Variants in ZNF207 observed in about 807,000 individuals in gnomAD.
The protein encoded by ZNF207 is BUB3-interacting and GLEBS motif-containing protein ZNF207.
In ZNF207, 24 loss-of-function variants were observed where a neutral mutation model predicts 60.2. The ratio of observed to expected loss-of-function variants is 0.40; its 90% CI spans 0.29 to 0.56. The LOEUF is 0.56. Ranked by LOEUF, ZNF207 falls within the 20% of genes least tolerant of loss-of-function variation. ZNF207 has a pLI of 0.49. For synonymous variants in ZNF207, 236 were observed against 194.7 expected, an observed-to-expected ratio of 1.21 and a Z score of -1.77; for missense variants, 452 against 636.6, an observed-to-expected ratio of 0.71 and a Z score of 3.12.
intron 2 of ZNF207, among the ~76,000 whole-genome samples, chr17:32,354,780 A>T (rs973712899): frequency 6.6e-6 from 1 of 150,922 alleles, no homozygotes; most frequent in Non-Finnish European, 1.5e-5. Context: ...TGCCTAGCTA[A>T]TTGTTTTGTA....
chr17:32,373,655 T>C lies in ZNF207; in HGVS notation c.*3896T>C, dbSNP rs144495586. 0.018 allele frequency: 6,688 copies of C among 376,384 alleles called. 67 individuals carry two copies. Among genetic ancestry groups the C allele is most frequent in the Middle Eastern group, 0.026 (38 of 1,450 alleles). The allele number at this position is 376,384 out of a possible 1,614,324, so 23.3% of individuals were successfully genotyped here. A position where few individuals can be genotyped will look rare whatever the true frequency, so the allele number is the denominator to read the frequency against. ...TGTTAATAAACATAAGTATTTCATA[T>C]GCAATTTTATGTAATTTGCTGTGTG... On this transcript the variant is annotated 3_prime_UTR_variant, in exon 12 of 12. Transcript: ENST00000394670.
intron 2 of ZNF207, among the ~76,000 whole-genome samples, chr17:32,356,087 C>CT (rs2150789679): frequency 6.6e-6 from 1 of 152,272 alleles, no homozygotes; most frequent in South Asian, 2.1e-4. Flanking sequence ...TGAGATAGAC[C>CT]TGGCAGTTAA....
At chr17:32,356,950 G>A (rs578071681) in intron 2 of ZNF207, among the ~76,000 whole-genome samples, 1 of 152,320 alleles carries the variant, frequency 6.6e-6, no homozygotes, top group South Asian at 2.1e-4. Flanking sequence ...AGGACACTGA[G>A]GTGGGTGGAT....
chr17:32,369,872 T>A lies in ZNF207; in HGVS notation c.*113T>A. On this transcript the variant is annotated 3_prime_UTR_variant, in exon 12 of 12. Transcript: ENST00000394670. ...TTCATTGTGACTTTAACAAACATTATCTTCCCACATACCAGGAACTATTGG... is the reference window on the plus strand; with the variant it reads ...TTCATTGTGACTTTAACAAACATTAACTTCCCACATACCAGGAACTATTGG... The A allele has an allele frequency of 8.9e-7, 1 of 1,126,554 alleles. No homozygotes were observed. Among genetic ancestry groups the A allele is most frequent in the Non-Finnish European group, 1.2e-6 (1 of 860,672 alleles). 69.8% of individuals were successfully genotyped at this position (1,126,554 alleles called of 1,614,324 possible). A position where few individuals can be genotyped will look rare whatever the true frequency, so the allele number is the denominator to read the frequency against.
At chr17:32,358,750 C>A in intron 3 of ZNF207, 109 bp downstream of exon 3, 1 of 823,590 alleles carries the variant, frequency 1.2e-6, no homozygotes, top group Non-Finnish European at 1.7e-6. Context: ...GTGGTGTGAT[C>A]TGGGCTCTCT....
intron 7 of ZNF207, 53 bp from the exon 8 acceptor site, chr17:32,365,277 T>TC (rs1905107516): frequency 6.3e-7 from 1 of 1,575,652 alleles, no homozygotes; most frequent in Non-Finnish European, 8.6e-7. Flanking sequence ...AGCGTTTTTT[T>TC]CCACACTAAA....
At chr17:32,352,363 A>T (rs1248858686) in intron 2 of ZNF207, among the ~76,000 whole-genome samples, 4 of 151,072 alleles carry the variant, frequency 2.6e-5, no homozygotes, top group Non-Finnish European at 4.4e-5. Context: ...AATCAGCATT[A>T]AAAAAAACAA....
intron 2 of ZNF207, among the ~76,000 whole-genome samples, chr17:32,357,052 C>T (rs1226913720): frequency 2.0e-5 from 3 of 151,822 alleles, no homozygotes; most frequent in African/African-American, 7.3e-5. Flanking sequence ...CATGGCGGCA[C>T]GCACCTGTAG....
At chr17:32,352,599 TCA>T (rs2041528059) in intron 2 of ZNF207, among the ~76,000 whole-genome samples, 1 of 152,242 alleles carries the variant, frequency 6.6e-6, no homozygotes, top group Non-Finnish European at 1.5e-5. Flanking sequence ...CAGTCATTAC[TCA>T]CTGCCATTGA....
Position 32,371,138 on chromosome 17 carries a change from CT to C in ZNF207, c.*1383del, listed in dbSNP as rs1228232042. 1 of 152,118 alleles carries C rather than the reference CT, an allele frequency of 6.6e-6. No individual in the cohort carries two copies. The highest frequency in any genetic ancestry group is 1.5e-5 in the Non-Finnish European group (1 of 68,002). 9.4% of individuals were successfully genotyped at this position (152,118 alleles called of 1,614,324 possible). A position where few individuals can be genotyped will look rare whatever the true frequency, so the allele number is the denominator to read the frequency against. On this transcript the variant is annotated 3_prime_UTR_variant, in exon 12 of 12. Coordinates refer to ENST00000394670, the MANE Select transcript of ZNF207 (RefSeq NM_001098507.2). Reference sequence around the variant, plus strand: ...CCTTTTTGGGATCTGTTTTTCTGATCTTTTGCAGGGTAGTTTTATGATTTTT... The same window carrying C: ...CCTTTTTGGGATCTGTTTTTCTGATCTTTGCAGGGTAGTTTTATGATTTTT...
intron 1 of ZNF207, 132 bp from the exon 2 acceptor site, chr17:32,351,654 A>T: frequency 6.4e-7 from 1 of 1,573,552 alleles, no homozygotes; most frequent in Non-Finnish European, 8.6e-7. Context: ...TGTGTAATAA[A>T]TATAAAAAGC....
At chr17:32,357,351 A>ATTATTATTTTTTTTTTTT (rs1363194053) in intron 2 of ZNF207, among the ~76,000 whole-genome samples, 1 of 74,028 alleles carries the variant, frequency 1.4e-5, no homozygotes, top group African/African-American at 5.6e-5. Context: ...TATTATTATT[A>ATTATTATTTTTTTTTTTT]TTTTTTTTTT....
rs1302308984 is a variant in ZNF207, at chr17:32,378,756, T to G, written c.*8997T>G. On this transcript the variant is annotated 3_prime_UTR_variant, in exon 12 of 12. Transcript: ENST00000394670. ...TTGAACCATCCTCTAAAGATTTCCT[T>G]TAACCTCTAAATGTTGTGCTTTTAG... 1 of 152,086 alleles carries G rather than the reference T, an allele frequency of 6.6e-6. No homozygotes were observed. Among genetic ancestry groups the G allele is most frequent in the Non-Finnish European group, 1.5e-5 (1 of 67,912 alleles). 9.4% of individuals were successfully genotyped at this position (152,086 alleles called of 1,614,324 possible).
chr17:32,365,451 T>A lies in ZNF207; in HGVS notation c.792T>A (p.Pro264=). The A allele has an allele frequency of 6.2e-7, 1 of 1,614,092 alleles. No homozygotes were observed. The change falls in exon 8 of 12, where the codon CCT becomes CCA. Residue 264 remains proline, a synonymous_variant. Transcript: ENST00000394670. ...APTATVPAPQ[P]PVTKPLFPSA... ...CAGCAACTGTACCTGCCCCACAGCC[T>A]CCAGTTACTAAGCCTCTTTTCCCCA...
At chr17:32,350,679 C>G (rs1389768320) in intron 1 of ZNF207, among the ~76,000 whole-genome samples, 1 of 152,122 alleles carries the variant, frequency 6.6e-6, no homozygotes, top group Non-Finnish European at 1.5e-5. Context: ...GACTTTTCTT[C>G]GAGTGCGATA....
rs1905692771 is a variant in ZNF207 at position 32,376,839 on chromosome 17, T to A, written c.*7080T>A. The A allele has an allele frequency of 6.6e-6, 1 of 152,088 alleles. No individual in the cohort carries two copies. Among genetic ancestry groups the A allele is most frequent in the Non-Finnish European group, 1.5e-5 (1 of 67,924 alleles). The allele number at this position is 152,088 out of a possible 1,614,324, so 9.4% of individuals were successfully genotyped here. A position where few individuals can be genotyped will look rare whatever the true frequency, so the allele number is the denominator to read the frequency against. On this transcript the variant is annotated 3_prime_UTR_variant, in exon 12 of 12. Coordinates refer to ENST00000394670, the MANE Select transcript of ZNF207 (RefSeq NM_001098507.2). The stretch of plus-strand genomic sequence containing the variant: ...TGGTTGATTACTTGGAACCCACCCA[T>A]TAATTCTAAATGATGTAATGGTCTA...
At position 32,376,402 on chromosome 17, in the gene ZNF207, T is replaced by G. The variant is rs1038275802; in HGVS notation, c.*6643T>G. 1 of 152,070 alleles carries G rather than the reference T, an allele frequency of 6.6e-6. No individual in the cohort carries two copies. The highest frequency in any genetic ancestry group is 1.5e-5 in the Non-Finnish European group (1 of 67,924). 9.4% of individuals were successfully genotyped at this position (152,070 alleles called of 1,614,324 possible). A position where few individuals can be genotyped will look rare whatever the true frequency, so the allele number is the denominator to read the frequency against. On this transcript the variant is annotated 3_prime_UTR_variant, in exon 12 of 12. Coordinates refer to ENST00000394670, the MANE Select transcript of ZNF207 (RefSeq NM_001098507.2). ...TTTTTCTTGCTCTTGGCTCTATACA[T>G]TTTTGCATAATATTTTAGTCTTGAA...
At chr17:32,364,316 T>C (rs1478696120) in intron 7 of ZNF207, among the ~76,000 whole-genome samples, 1 of 151,996 alleles carries the variant, frequency 6.6e-6, no homozygotes, top group African/African-American at 2.4e-5. Context: ...GGGATTTGGT[T>C]GGCCAGCAAG....
In ZNF207 at chr17:32,358,729, G is replaced by A. The variant is rs573280544; in HGVS notation, c.307+88G>A. 1.0e-4 allele frequency: 112 copies of A among 1,069,682 alleles called. No individual in the cohort carries two copies. The Middle Eastern group carries it at 1.6e-3, about 15-fold the overall frequency. The allele number at this position is 1,069,682 out of a possible 1,614,324, so 66.3% of individuals were successfully genotyped here. A position where few individuals can be genotyped will look rare whatever the true frequency, so the allele number is the denominator to read the frequency against. On this transcript the variant is annotated intron_variant, in intron 3 of 11. Transcript: ENST00000394670. ...CAGAGGCTTACTCTGTCCAGCCGAG[G>A]CTGGAGTACAGTGGTGTGATCTGGG...
Sources: gnomAD v4.1 joint callset for allele counts (sites outside exome capture counted in the v4.1 genomes callset) on GRCh38, gnomAD v4.1.1 for gene constraint, MANE v1.5 for transcripts, NCBI Gene and HGNC (gene_info 2026-07-23, HGNC 2026-07-21) for gene names.